PDE11A: variants seen among roughly 807,000 people sequenced by gnomAD.
The protein encoded by PDE11A is phosphodiesterase 11A, also known as dual 3',5'-cyclic-AMP and -GMP phosphodiesterase 11A.
Under a neutral mutation model 100.5 loss-of-function variants are expected in PDE11A, and 100 were observed. The observed-to-expected ratio is 1.00, with a 90% CI of 0.85 to 1.18. The LOEUF (loss-of-function observed/expected upper bound fraction) is 1.18, where lower values mean the gene tolerates loss of function less well. Ranked by LOEUF, PDE11A falls within the 50% of genes most tolerant of loss-of-function variation. The pLI is 0.00. For missense variants in PDE11A, 1,141 were observed against 1,152.6 expected (o/e 0.99, Z 0.15); for synonymous variants, 381 against 420.8 (o/e 0.91, Z 1.16).
At chr2:177,932,414 T>A (rs1050179347) in intron 2 of PDE11A, among the ~76,000 whole-genome samples, 1 of 152,088 alleles carries the variant, frequency 6.6e-6, no homozygotes, top group Non-Finnish European at 1.5e-5. Context: ...TTCAACAAAA[T>A]TCAACAATAC....
intron 9 of PDE11A, among the ~76,000 whole-genome samples, chr2:177,781,022 A>C (rs374260819): frequency 9.8e-5 from 15 of 152,344 alleles, no homozygotes; most frequent in African/African-American, 3.6e-4. Context: ...CTTTCAGCCT[A>C]TCTCACCTTT....
At chr2:177,937,023 T>G (rs2695109) in intron 2 of PDE11A, among the ~76,000 whole-genome samples, 114,448 of 152,044 alleles carry the variant, frequency 0.75, 43,447 homozygotes, top group Admixed American at 0.8. Context: ...TAGGCTGCTG[T>G]TGAACTGTGT....
intron 2 of PDE11A, among the ~76,000 whole-genome samples, chr2:178,006,336 A>G (rs2086210400): frequency 6.6e-6 from 1 of 152,226 alleles, no homozygotes; most frequent in South Asian, 2.1e-4. Context: ...GCCTTGAAAG[A>G]AAGGTGGAAA....
chr2:177,630,623 A>G (rs1030132629), intron 19 of PDE11A, among the ~76,000 whole-genome samples: 3 of 152,220 alleles, frequency 2.0e-5, no homozygotes, highest in African/African-American at 4.8e-5. Flanking sequence ...AAATTCCACT[A>G]TTCTCTACTT....
At chr2:177,701,255 T>G in intron 13 of PDE11A, 44 bp from the exon 14 acceptor site, 1 of 932,038 alleles carries the variant, frequency 1.1e-6, no homozygotes, top group Non-Finnish European at 1.8e-6. Flanking sequence ...TATCGATGGT[T>G]CCCCCACACC....
intron 2 of PDE11A, among the ~76,000 whole-genome samples, chr2:178,091,755 T>C (rs1559069034): frequency 7.1e-6 from 1 of 141,746 alleles, no homozygotes; most frequent in Non-Finnish European, 1.5e-5. Context: ...CCACCATGCG[T>C]CTCTTATATT....
intron 6 of PDE11A, among the ~76,000 whole-genome samples, chr2:177,838,745 A>G (rs2083443375): frequency 6.6e-6 from 1 of 152,236 alleles, no homozygotes; most frequent in Non-Finnish European, 1.5e-5. Flanking sequence ...CCACAATGGA[A>G]AAGTATATAA....
intron 2 of PDE11A, among the ~76,000 whole-genome samples, chr2:177,983,531 A>C (rs2085907814): frequency 6.6e-6 from 1 of 152,212 alleles, no homozygotes; most frequent in Non-Finnish European, 1.5e-5. Flanking sequence ...ACATAAATGA[A>C]AATAAAGCAG....
chr2:177,775,976 A>G (rs1295335239), intron 9 of PDE11A, among the ~76,000 whole-genome samples: 1 of 152,252 alleles, frequency 6.6e-6, no homozygotes, highest in Non-Finnish European at 1.5e-5. Flanking sequence ...AGTATGGTTG[A>G]TACTTAGTTG....
rs373559899 is a variant in PDE11A, at chr2:177,789,038, A to G, written c.1738-19665T>C. On this transcript the variant is annotated intron_variant, in intron 9 of 19. Transcript: ENST00000286063. ...GAGGGAATTCTCCCTAACTCATTTT[A>G]TGAGGCCAGCATCATTCTGATACCA... Among the ~76,000 whole-genome samples the G allele has an allele frequency of 2.0e-5, 3 of 152,260 alleles. No individual in the cohort carries two copies. The East Asian group carries it at 5.8e-4, about 29-fold the overall frequency.
rs188304888 is a variant in PDE11A at position 177,727,793 on chromosome 2, G to C, written c.1936-28C>G. ...GAAATGGGAGGGAGAGGGTGCGTCA[G>C]GCAGTTGTAAGTGATTCTAGTGGAC... On this transcript the variant is annotated intron_variant, in intron 11 of 19. Transcript: ENST00000286063. 94 of 1,380,094 alleles carry C rather than the reference G, an allele frequency of 6.8e-5. No individual in the cohort carries two copies. In the East Asian group the frequency reaches 1.6e-3, roughly 23 times the overall value. 85.5% of individuals were successfully genotyped at this position (1,380,094 alleles called of 1,614,324 possible).
intron 1 of PDE11A, among the ~76,000 whole-genome samples, chr2:178,061,904 A>G (rs2086974576): frequency 6.6e-6 from 1 of 152,192 alleles, no homozygotes; most frequent in South Asian, 2.1e-4. Context: ...TCTTATAATG[A>G]CAGTAGCTCT....
chr2:177,887,858 C>T (rs778708647), intron 4 of PDE11A, among the ~76,000 whole-genome samples: 5 of 152,218 alleles, frequency 3.3e-5, no homozygotes, highest in South Asian at 2.1e-4. Context: ...TATGTGTGGA[C>T]GTGCTGCCTA....
intron 19 of PDE11A, among the ~76,000 whole-genome samples, chr2:177,631,641 A>G (rs1459852481): frequency 1.5e-5 from 2 of 137,580 alleles, no homozygotes; most frequent in Non-Finnish European, 3.0e-5. Flanking sequence ...ATATATATAC[A>G]TATATATGTG....
chr2:178,001,311 T>TGTGG (rs59287027), intron 2 of PDE11A, among the ~76,000 whole-genome samples: 1 of 148,018 alleles, frequency 6.8e-6, no homozygotes, highest in Non-Finnish European at 1.5e-5. Flanking sequence ...TGTGTGTGTG[T>TGTGG]AGTAGGTTTA....
At chr2:177,763,462 A>G (rs1209715978) in intron 10 of PDE11A, among the ~76,000 whole-genome samples, 1 of 152,158 alleles carries the variant, frequency 6.6e-6, no homozygotes, top group African/African-American at 2.4e-5. Context: ...GGCCATGAGA[A>G]CTGAGACTGT....
chr2:177,819,969 T>G (rs1318617561), intron 7 of PDE11A, among the ~76,000 whole-genome samples: 1 of 151,588 alleles, frequency 6.6e-6, no homozygotes, highest in African/African-American at 2.4e-5. Flanking sequence ...AGAGTTCTAT[T>G]GGTTGATAAC....
At chr2:177,859,387 A>C (rs993326634) in intron 5 of PDE11A, among the ~76,000 whole-genome samples, 12 of 151,872 alleles carry the variant, frequency 7.9e-5, no homozygotes, top group African/African-American at 2.7e-4. Flanking sequence ...ATATCTATAC[A>C]ATAAAATATT....
intron 12 of PDE11A, among the ~76,000 whole-genome samples, chr2:177,719,424 C>T (rs1475809701): frequency 1.3e-5 from 2 of 152,126 alleles, no homozygotes; most frequent in Admixed American, 6.5e-5. Context: ...TGCAGCAGAG[C>T]CCTAGGTGGA....
Sources: gnomAD v4.1 joint callset for allele counts (sites outside exome capture counted in the v4.1 genomes callset) on GRCh38, gnomAD v4.1.1 for gene constraint, MANE v1.5 for transcripts, NCBI Gene and HGNC (gene_info 2026-07-23, HGNC 2026-07-21) for gene names.